CABCOCO1: variants seen among roughly 807,000 people sequenced by gnomAD.
The protein encoded by CABCOCO1 is ciliary associated calcium binding coiled-coil 1, also known as ciliary-associated calcium-binding coiled-coil protein 1.
In CABCOCO1, 28 loss-of-function variants were observed where a neutral mutation model predicts 35.7. The ratio of observed to expected loss-of-function variants is 0.78; its 90% CI spans 0.58 to 1.07. The LOEUF is 1.07. CABCOCO1 is among the 50% of genes least tolerant of loss of function. CABCOCO1 has a pLI of 0.00. For synonymous variants in CABCOCO1, 95 were observed against 100.1 expected (o/e 0.95, Z 0.30); for missense variants, 326 against 309.2 (o/e 1.05, Z -0.41).
chr10:61,700,550 G>A (rs1036549495), intron 5 of CABCOCO1, among the ~76,000 whole-genome samples: 1 of 151,998 alleles, frequency 6.6e-6, no homozygotes, highest in Admixed American at 6.6e-5. Context: ...TATATTGCTG[G>A]GAAGAATGTA....
chr10:61,760,562 T>C (rs1841988594), intron 6 of CABCOCO1, among the ~76,000 whole-genome samples: 2 of 151,964 alleles, frequency 1.3e-5, no homozygotes, highest in Non-Finnish European at 2.9e-5. Context: ...TGAGAACACA[T>C]GGACACAGGG....
intron 5 of CABCOCO1, among the ~76,000 whole-genome samples, chr10:61,694,780 A>G (rs1355727325): frequency 6.6e-6 from 1 of 152,110 alleles, no homozygotes; most frequent in Non-Finnish European, 1.5e-5. Context: ...GCTTTGGTAG[A>G]CACGTGGAGC....
At chr10:61,720,198 C>T (rs1840969143) in intron 5 of CABCOCO1, among the ~76,000 whole-genome samples, 1 of 151,884 alleles carries the variant, frequency 6.6e-6, no homozygotes, top group African/African-American at 2.4e-5. Context: ...GAGATGTGGT[C>T]TTACAAAGTT....
intron 2 of CABCOCO1, among the ~76,000 whole-genome samples, chr10:61,674,024 C>A (rs141542313): frequency 5.3e-5 from 8 of 151,822 alleles, no homozygotes; most frequent in Non-Finnish European, 1.2e-4. Flanking sequence ...TAGCACAATG[C>A]GAATAGCAGA....
At chr10:61,684,613 C>A (rs1839898142) in intron 3 of CABCOCO1, among the ~76,000 whole-genome samples, 1 of 152,160 alleles carries the variant, frequency 6.6e-6, no homozygotes, top group Non-Finnish European at 1.5e-5. Flanking sequence ...CATTGAGCAG[C>A]ACAATTCCCC....
At chr10:61,693,622 T>G (rs897862429) in intron 5 of CABCOCO1, among the ~76,000 whole-genome samples, 1 of 152,020 alleles carries the variant, frequency 6.6e-6, no homozygotes, top group Non-Finnish European at 1.5e-5. Flanking sequence ...GCTCCTGACA[T>G]CACAAAAAGA....
In CABCOCO1 at chr10:61,726,916, T is replaced by G. The variant is rs138854955; in HGVS notation, c.553-33143T>G. Among the ~76,000 whole-genome samples the G allele has an allele frequency of 1.8e-4, 26 of 142,510 alleles. No homozygotes were observed. The East Asian group carries it at 4.6e-3, about 25-fold the overall frequency. The allele number at this position is 142,510 out of a possible 152,430, so 93.5% of individuals were successfully genotyped here. On this transcript the variant is annotated intron_variant, in intron 5 of 7. Coordinates refer to ENST00000648843, the MANE Select transcript of CABCOCO1 (RefSeq NM_001366906.2). ...CTACAGAAAAAAAAAAAAAAAAAAGTACCAAGTATGGTGGCACACACCTGT... is the reference window on the plus strand; with the variant it reads ...CTACAGAAAAAAAAAAAAAAAAAAGGACCAAGTATGGTGGCACACACCTGT...
intron 5 of CABCOCO1, among the ~76,000 whole-genome samples, chr10:61,710,283 T>C (rs1480355529): frequency 1.9e-5 from 2 of 103,550 alleles, no homozygotes; most frequent in Non-Finnish European, 4.9e-5. Context: ...TGTGTGTGTG[T>C]GTGTGTGTGT....
At chr10:61,733,625 C>T (rs1426038346) in intron 5 of CABCOCO1, among the ~76,000 whole-genome samples, 1 of 151,950 alleles carries the variant, frequency 6.6e-6, no homozygotes, top group Non-Finnish European at 1.5e-5. Flanking sequence ...TTCAAAATTG[C>T]CAAAGTTCAA....
intron 5 of CABCOCO1, among the ~76,000 whole-genome samples, chr10:61,714,751 G>A (rs140151858): frequency 7.9e-5 from 12 of 152,006 alleles, no homozygotes; most frequent in African/African-American, 2.7e-4. Context: ...CTTTATTTCT[G>A]CCTTCATTTC....
chr10:61,671,162 T>C (rs1839347361), intron 1 of CABCOCO1, among the ~76,000 whole-genome samples: 1 of 152,036 alleles, frequency 6.6e-6, no homozygotes, highest in South Asian at 2.1e-4. Context: ...ACGTCTCTAC[T>C]AAAAATACAA....
At position 61,726,410 on chromosome 10, in the gene CABCOCO1, A is replaced by T. The variant is rs148014264; in HGVS notation, c.553-33649A>T. On this transcript the variant is annotated intron_variant, in intron 5 of 7. Coordinates refer to ENST00000648843, the MANE Select transcript of CABCOCO1 (RefSeq NM_001366906.2). ...ATTTATTAAAATAAATACATATATA[A>T]TATTAAGTGTCACAATATAAAAATG... 4.8e-3 allele frequency among the ~76,000 whole-genome samples: 731 copies of T among 152,166 alleles called. 5 individuals are homozygous for T. Among genetic ancestry groups the T allele is most frequent in the African/African-American group, 0.017 (704 of 41,556 alleles).
At chr10:61,765,824 G>C in intron 7 of CABCOCO1, 115 bp from the exon 8 acceptor site, 2 of 847,988 alleles carry the variant, frequency 2.4e-6, no homozygotes, top group Non-Finnish European at 3.7e-6. Flanking sequence ...AAAACAGGAA[G>C]GTGTGTGAGG....
At position 61,760,926 on chromosome 10, in the gene CABCOCO1, C is replaced by A; in HGVS notation, c.739C>A (p.Pro247Thr). ...QPETDTSDMD[P>T]LVGFTIEDVK... ...AGAAACTGACACCTCAGACATGGAT[C>A]CTTTAGTTGGTTTTACCATTGAAGA... The change falls in exon 7 of 8, where the codon CCT becomes ACT. Residue 247 changes from proline (P) to threonine (T), a missense_variant. By Grantham distance (38) the Pro-to-Thr change is conservative. Transcript: ENST00000648843. 1.2e-6 allele frequency: 2 copies of A among 1,612,662 alleles called. No individual in the cohort carries two copies. Among genetic ancestry groups the A allele is most frequent in the Non-Finnish European group, 1.7e-6 (2 of 1,179,078 alleles).
At chr10:61,738,392 A>C (rs868617388) in intron 5 of CABCOCO1, among the ~76,000 whole-genome samples, 2 of 152,296 alleles carry the variant, frequency 1.3e-5, no homozygotes, top group African/African-American at 4.8e-5. Context: ...AAGATAAAAT[A>C]CTGTCAGGTC....
intron 5 of CABCOCO1, among the ~76,000 whole-genome samples, chr10:61,736,836 C>T (rs1418666867): frequency 2.6e-5 from 4 of 152,054 alleles, no homozygotes; most frequent in Non-Finnish European, 5.9e-5. Flanking sequence ...TTTTGTAATT[C>T]TCATTGCAGA....
intron 7 of CABCOCO1, among the ~76,000 whole-genome samples, chr10:61,761,399 A>G (rs1314717719): frequency 1.3e-5 from 2 of 152,024 alleles, no homozygotes; most frequent in Non-Finnish European, 2.9e-5. Flanking sequence ...AGGCTTTCAG[A>G]TCTTTGAACT....
At chr10:61,672,561 C>A in intron 1 of CABCOCO1, 71 bp from the exon 2 acceptor site, 1 of 285,006 alleles carries the variant, frequency 3.5e-6, no homozygotes, top group Non-Finnish European at 5.3e-6. Flanking sequence ...GAAGAGCCAA[C>A]TTTGTTACTA....
chr10:61,709,282 A>C (rs1164862232), intron 5 of CABCOCO1, among the ~76,000 whole-genome samples: 1 of 152,152 alleles, frequency 6.6e-6, no homozygotes, highest in African/African-American at 2.4e-5. Context: ...CTCAAGTGTC[A>C]CCCAAAGATT....
Sources: gnomAD v4.1 joint callset for allele counts (sites outside exome capture counted in the v4.1 genomes callset) on GRCh38, gnomAD v4.1.1 for gene constraint, MANE v1.5 for transcripts, NCBI Gene and HGNC (gene_info 2026-07-23, HGNC 2026-07-21) for gene names.